Variants in LINGO2 observed in about 807,000 individuals in gnomAD.
LINGO2 encodes leucine-rich repeat and immunoglobulin-like domain-containing nogo receptor-interacting protein 2.
Under a neutral mutation model 30.6 loss-of-function variants are expected in LINGO2, and 14 were observed. The observed-to-expected ratio is 0.46, with a 90% CI of 0.30 to 0.72. The LOEUF (loss-of-function observed/expected upper bound fraction) is 0.72. Among genes scored for constraint, LINGO2 ranks in the 30% least tolerant of loss-of-function variants. The pLI is 0.07. For synonymous variants in LINGO2, 317 were observed against 288.5 expected (o/e 1.10, Z -1.00); for missense variants, 729 against 751.7 (o/e 0.97, Z 0.35).
chr9:28,478,241 C>T (rs1177609760), intron 1 of LINGO2, among the ~76,000 whole-genome samples: 1 of 152,092 alleles, frequency 6.6e-6, no homozygotes, highest in Non-Finnish European at 1.5e-5. Context: ...CAAACAACAA[C>T]ATTTATATGT....
the LINGO2 span, among the ~76,000 whole-genome samples, chr9:29,211,537 G>C: frequency 1.3e-5 from 2 of 151,622 alleles, no homozygotes; most frequent in African/African-American, 2.4e-5. Context: ...CTGATGCTCA[G>C]ACCATGACTT....
chr9:28,944,785 C>T, the LINGO2 span, among the ~76,000 whole-genome samples: 3 of 152,122 alleles, frequency 2.0e-5, no homozygotes, highest in East Asian at 5.8e-4. Flanking sequence ...TGAAAGATGA[C>T]ATACAAACAG....
At chr9:28,330,040 A>C (rs1395953711) in intron 3 of LINGO2, among the ~76,000 whole-genome samples, 1 of 152,130 alleles carries the variant, frequency 6.6e-6, no homozygotes, top group Non-Finnish European at 1.5e-5. Flanking sequence ...TTTGGAGATG[A>C]GGTCTTTAAG....
the LINGO2 span, among the ~76,000 whole-genome samples, chr9:29,170,216 G>T: frequency 6.6e-6 from 1 of 152,028 alleles, no homozygotes; most frequent in Admixed American, 6.6e-5. Context: ...TCCATCAATG[G>T]ACTGGATTTA....
At chr9:27,969,782 A>G (rs1820269027) in intron 5 of LINGO2, among the ~76,000 whole-genome samples, 3 of 152,210 alleles carry the variant, frequency 2.0e-5, no homozygotes, top group South Asian at 4.2e-4. Context: ...TTAACAGAAT[A>G]GGCAATTGAG....
chr9:28,658,241 T>C (rs1218948097), intron 1 of LINGO2, among the ~76,000 whole-genome samples: 1 of 152,108 alleles, frequency 6.6e-6, no homozygotes, highest in Non-Finnish European at 1.5e-5. Flanking sequence ...CAGTGTTCTA[T>C]ATATGACTGT....
rs374326828 is a variant in LINGO2, at chr9:27,998,060, G to A, written c.-36+14295C>T. On this transcript the variant is annotated intron_variant, in intron 5 of 5. Coordinates refer to ENST00000379992, the Ensembl canonical transcript of LINGO2. ...AGCTTGATACCCACTGAGGTAGCTT[G>A]TCTCCAAGATAACGGCCATCAATTC... Among the ~76,000 whole-genome samples the A allele has an allele frequency of 1.6e-4, 25 of 152,296 alleles. No individual in the cohort carries two copies. The East Asian group carries it at 3.1e-3, about 19-fold the overall frequency.
At chr9:28,397,070 C>T (rs994092773) in intron 2 of LINGO2, among the ~76,000 whole-genome samples, 1 of 152,032 alleles carries the variant, frequency 6.6e-6, no homozygotes, top group Non-Finnish European at 1.5e-5. Flanking sequence ...CCTATCCATT[C>T]TTCTCAGGAA....
At chr9:28,739,107 T>G in the LINGO2 span, among the ~76,000 whole-genome samples, 15 of 152,116 alleles carry the variant, frequency 9.9e-5, no homozygotes, top group East Asian at 2.9e-3. Flanking sequence ...ATTAAGTGCT[T>G]CTGAAATTTA....
chr9:28,107,961 CA>C (rs1312274786), intron 4 of LINGO2, among the ~76,000 whole-genome samples: 2 of 152,240 alleles, frequency 1.3e-5, no homozygotes, highest in East Asian at 3.9e-4. Flanking sequence ...CATAGAATTG[CA>C]GTCTAAAGTA....
chr9:28,689,368 C>T, the LINGO2 span, among the ~76,000 whole-genome samples: 2 of 151,864 alleles, frequency 1.3e-5, no homozygotes, highest in Middle Eastern at 3.2e-3. Flanking sequence ...AGGTAAAAAA[C>T]AAACAACCAC....
intron 4 of LINGO2, among the ~76,000 whole-genome samples, chr9:28,249,393 T>G (rs1348151612): frequency 6.6e-6 from 1 of 152,130 alleles, no homozygotes; most frequent in Non-Finnish European, 1.5e-5. Flanking sequence ...TTATTCAAGT[T>G]TCTAGAATAA....
chr9:28,389,527 G>T (rs1821740642), intron 2 of LINGO2, among the ~76,000 whole-genome samples: 1 of 152,088 alleles, frequency 6.6e-6, no homozygotes, highest in Non-Finnish European at 1.5e-5. Flanking sequence ...CATGCACAGA[G>T]GCATCATTCC....
intron 4 of LINGO2, among the ~76,000 whole-genome samples, chr9:28,085,969 G>A (rs987369366): frequency 1.3e-5 from 2 of 151,952 alleles, no homozygotes; most frequent in African/African-American, 4.8e-5. Flanking sequence ...TCACTTACAC[G>A]AACAATGTGC....
intron 4 of LINGO2, among the ~76,000 whole-genome samples, chr9:28,179,718 A>AGT (rs1828860778): frequency 6.9e-6 from 1 of 145,320 alleles, no homozygotes; most frequent in East Asian, 2.0e-4. Context: ...CTATATATAG[A>AGT]GTATATATAT....
At chr9:28,561,237 T>C (rs1480274214) in intron 1 of LINGO2, among the ~76,000 whole-genome samples, 4 of 151,788 alleles carry the variant, frequency 2.6e-5, no homozygotes, top group African/African-American at 4.8e-5. Context: ...AACCACCCTA[T>C]AGAAAATGAG....
At chr9:28,787,262 A>C in the LINGO2 span, among the ~76,000 whole-genome samples, 2 of 152,174 alleles carry the variant, frequency 1.3e-5, no homozygotes, top group Non-Finnish European at 2.9e-5. Flanking sequence ...ATAAGGAGGA[A>C]AGATCTTGTA....
intron 4 of LINGO2, among the ~76,000 whole-genome samples, chr9:28,188,835 G>A (rs979862220): frequency 6.6e-6 from 1 of 152,064 alleles, no homozygotes; most frequent in African/African-American, 2.4e-5. Flanking sequence ...CATCATTTAC[G>A]TGTAATTACC....
At chr9:28,568,337 G>A (rs980066238) in intron 1 of LINGO2, among the ~76,000 whole-genome samples, 1 of 152,014 alleles carries the variant, frequency 6.6e-6, no homozygotes, top group African/African-American at 2.4e-5. Context: ...GGTAGAGGGT[G>A]GGGTGAGGGA....
Sources: allele counts gnomAD v4.1 joint callset (sites outside exome capture counted in the v4.1 genomes callset), GRCh38; gene constraint gnomAD v4.1.1; transcripts MANE v1.5; gene names NCBI Gene and HGNC (gene_info 2026-07-23, HGNC 2026-07-21).